Variants in ZNF804A observed in about 807,000 individuals in gnomAD.
The protein encoded by ZNF804A is zinc finger protein 804A.
In ZNF804A, 2 loss-of-function variants were observed where a neutral mutation model predicts 16.5. That is an observed-to-expected ratio of 0.12 (90% CI 0.05 to 0.38). The LOEUF (loss-of-function observed/expected upper bound fraction) is 0.38, where lower values mean the gene tolerates loss of function less well. Ranked by LOEUF, ZNF804A falls within the 10% of genes least tolerant of loss-of-function variation. The pLI is 0.99. For missense variants in ZNF804A, 1,473 were observed against 1,390.7 expected, an observed-to-expected ratio of 1.06 and a Z score of -0.94; for synonymous variants, 534 against 489.6, an observed-to-expected ratio of 1.09 and a Z score of -1.20.
chr2:184,640,452 T>A (rs1691776728), intron 1 of ZNF804A, among the ~76,000 whole-genome samples: 1 of 152,104 alleles, frequency 6.6e-6, no homozygotes, highest in South Asian at 2.1e-4. Flanking sequence ...TACTATATAA[T>A]TTATTTTAGA....
At chr2:184,927,870 A>G (rs1685633864) in intron 2 of ZNF804A, among the ~76,000 whole-genome samples, 1 of 152,102 alleles carries the variant, frequency 6.6e-6, no homozygotes, top group Non-Finnish European at 1.5e-5. Flanking sequence ...CTCAACCTTC[A>G]GGGCAGTGGG....
intron 1 of ZNF804A, among the ~76,000 whole-genome samples, chr2:184,664,472 C>T (rs1033410168): frequency 6.6e-6 from 1 of 152,130 alleles, no homozygotes; most frequent in African/African-American, 2.4e-5. Flanking sequence ...TGTATTTCCT[C>T]TTAGTAATTC....
intron 1 of ZNF804A, among the ~76,000 whole-genome samples, chr2:184,841,625 A>G (rs1228335568): frequency 2.0e-5 from 3 of 152,214 alleles, no homozygotes; most frequent in Admixed American, 2.0e-4. Flanking sequence ...TCTTAAATAC[A>G]CTGGCTGACC....
At chr2:184,916,283 A>C (rs1003210746) in intron 2 of ZNF804A, among the ~76,000 whole-genome samples, 1 of 152,202 alleles carries the variant, frequency 6.6e-6, no homozygotes, top group Admixed American at 6.5e-5. Context: ...CAAGAGAGTA[A>C]TGTATTTACT....
intron 1 of ZNF804A, among the ~76,000 whole-genome samples, chr2:184,668,987 TA>T (rs36004864): frequency 0.44 from 66,368 of 151,566 alleles, 15,361 homozygotes; most frequent in African/African-American, 0.58. Context: ...TCTGAGGAAA[TA>T]ACTGAGCCTC....
chr2:184,652,660 C>T (rs1413430076), intron 1 of ZNF804A, among the ~76,000 whole-genome samples: 1 of 152,056 alleles, frequency 6.6e-6, no homozygotes, highest in Non-Finnish European at 1.5e-5. Flanking sequence ...AAGCATATTT[C>T]CTCCTGCCTT....
intron 1 of ZNF804A, among the ~76,000 whole-genome samples, chr2:184,682,481 T>G (rs1692558453): frequency 6.6e-6 from 1 of 151,508 alleles, no homozygotes; most frequent in Non-Finnish European, 1.5e-5. Context: ...TTTTTGTGAC[T>G]TTTTTTTGCT....
chr2:184,856,419 T>C (rs1695688188), intron 1 of ZNF804A, among the ~76,000 whole-genome samples: 1 of 152,112 alleles, frequency 6.6e-6, no homozygotes, highest in Non-Finnish European at 1.5e-5. Flanking sequence ...AGTGAAAGTC[T>C]GCTGTTTTTT....
chr2:184,775,640 CT>C (rs1694274459), intron 1 of ZNF804A, among the ~76,000 whole-genome samples: 1 of 151,634 alleles, frequency 6.6e-6, no homozygotes, highest in Non-Finnish European at 1.5e-5. Flanking sequence ...AATTGTTCTT[CT>C]TTTCATATTC....
At chr2:184,640,410 T>G (rs1253969942) in intron 1 of ZNF804A, among the ~76,000 whole-genome samples, 1 of 152,218 alleles carries the variant, frequency 6.6e-6, no homozygotes, top group African/African-American at 2.4e-5. Context: ...ATGAATTCTA[T>G]AAACATTTTA....
At chr2:184,772,567 A>G (rs1378578372) in intron 1 of ZNF804A, among the ~76,000 whole-genome samples, 1 of 151,862 alleles carries the variant, frequency 6.6e-6, no homozygotes, top group Non-Finnish European at 1.5e-5. Context: ...TATTGTCAAT[A>G]TTGCCACTAT....
intron 1 of ZNF804A, among the ~76,000 whole-genome samples, chr2:184,860,915 G>A (rs950861974): frequency 6.6e-6 from 1 of 152,244 alleles, no homozygotes; most frequent in African/African-American, 2.4e-5. Context: ...TAGGGTATGG[G>A]CAAATCAGAG....
chr2:184,762,142 C>T (rs554959863), intron 1 of ZNF804A, among the ~76,000 whole-genome samples: 1 of 151,400 alleles, frequency 6.6e-6, no homozygotes, highest in African/African-American at 2.4e-5. Flanking sequence ...TGCTTTCTTA[C>T]TATTTAAATT....
chr2:184,878,729 T>C (rs903542289), intron 2 of ZNF804A, among the ~76,000 whole-genome samples: 1 of 151,998 alleles, frequency 6.6e-6, no homozygotes, highest in African/African-American at 2.4e-5. Flanking sequence ...AAAGCAAAAA[T>C]GTATTTTCAC....
rs373187419 is a variant in ZNF804A, at chr2:184,878,912, A to G, written c.255+12400A>G. On this transcript the variant is annotated intron_variant, in intron 2 of 3. Coordinates refer to ENST00000302277, the MANE Select transcript of ZNF804A (RefSeq NM_194250.2). Reference sequence around the variant, plus strand: ...CAAATTATATCAAATTTGATCATGAATAAAGTCTATGGAATGGTTCATTTA... The same window carrying G: ...CAAATTATATCAAATTTGATCATGAGTAAAGTCTATGGAATGGTTCATTTA... 1.8e-4 allele frequency among the ~76,000 whole-genome samples: 28 copies of G among 152,162 alleles called. 1 individual carries two copies. In the East Asian group the frequency reaches 4.2e-3, roughly 23 times the overall value.
chr2:184,908,179 A>G (rs927309024), intron 2 of ZNF804A, among the ~76,000 whole-genome samples: 4 of 152,100 alleles, frequency 2.6e-5, no homozygotes, highest in African/African-American at 7.2e-5. Context: ...GTTTTTTTCT[A>G]GAGGTGCTAG....
intron 1 of ZNF804A, among the ~76,000 whole-genome samples, chr2:184,680,246 C>A (rs1397412870): frequency 2.0e-5 from 3 of 151,856 alleles, no homozygotes; most frequent in Admixed American, 2.0e-4. Context: ...GAAGAGCTAC[C>A]CACTGCGGGT....
At chr2:184,772,760 C>T (rs1266790710) in intron 1 of ZNF804A, among the ~76,000 whole-genome samples, 1 of 151,496 alleles carries the variant, frequency 6.6e-6, no homozygotes, top group African/African-American at 2.4e-5. Flanking sequence ...TTCCAACTTT[C>T]CCATATCCTT....
intron 2 of ZNF804A, among the ~76,000 whole-genome samples, chr2:184,927,163 C>G (rs180710157): frequency 6.6e-6 from 1 of 152,132 alleles, no homozygotes; most frequent in African/African-American, 2.4e-5. Flanking sequence ...TTTCCAGGTC[C>G]GAAAGGACTG....
Sources: allele counts gnomAD v4.1 joint callset (sites outside exome capture counted in the v4.1 genomes callset), GRCh38; gene constraint gnomAD v4.1.1; transcripts MANE v1.5; gene names NCBI Gene and HGNC (gene_info 2026-07-23, HGNC 2026-07-21).